The following ARHGAP15 variants were observed in gnomAD, a reference collection of about 807,000 sequenced individuals.
ARHGAP15 encodes Rho GTPase activating protein 15, also known as rho GTPase-activating protein 15.
ARHGAP15 carries 51 observed loss-of-function variants against 63.7 expected under a neutral mutation model. The ratio of observed to expected loss-of-function variants is 0.80; its 90% confidence interval spans 0.64 to 1.01. The LOEUF is 1.01. ARHGAP15 is among the 50% of genes least tolerant of loss of function. The probability of loss-of-function intolerance (pLI) is 0.00; values close to 1 mark genes in which losing one functional copy is unlikely to be tolerated. For synonymous variants in ARHGAP15, 191 were observed against 193.8 expected (o/e 0.99, Z 0.12); for missense variants, 560 against 564.6 (o/e 0.99, Z 0.08).
intron 6 of ARHGAP15, among the ~76,000 whole-genome samples, chr2:143,322,670 A>G (rs1156491066): frequency 6.6e-6 from 1 of 152,238 alleles, no homozygotes; most frequent in Non-Finnish European, 1.5e-5. Flanking sequence ...AAAAGTCAGC[A>G]TTACCGTGGA....
At chr2:143,156,784 T>C (rs1481843032) in intron 2 of ARHGAP15, among the ~76,000 whole-genome samples, 2 of 151,906 alleles carry the variant, frequency 1.3e-5, no homozygotes, top group Non-Finnish European at 2.9e-5. Flanking sequence ...ACTAATGAGA[T>C]ATGCATTTTT....
chr2:143,434,241 C>T (rs1689511055), intron 6 of ARHGAP15, among the ~76,000 whole-genome samples: 1 of 152,074 alleles, frequency 6.6e-6, no homozygotes, highest in African/African-American at 2.4e-5. Flanking sequence ...ATTGTATACA[C>T]TTTAGACAGT....
At chr2:143,199,364 CAGTT>C (rs1040858447) in intron 2 of ARHGAP15, among the ~76,000 whole-genome samples, 4 of 152,138 alleles carry the variant, frequency 2.6e-5, no homozygotes, top group East Asian at 1.9e-4. Flanking sequence ...ACTTATGTAA[CAGTT>C]AGATGGAAGT....
At chr2:143,324,363 C>T (rs1218047834) in intron 6 of ARHGAP15, among the ~76,000 whole-genome samples, 2 of 152,088 alleles carry the variant, frequency 1.3e-5, no homozygotes, top group Non-Finnish European at 2.9e-5. Context: ...TTGGTGTTTG[C>T]GTTCTTAATT....
At chr2:143,492,120 G>T (rs1315111363) in intron 9 of ARHGAP15, among the ~76,000 whole-genome samples, 2 of 152,118 alleles carry the variant, frequency 1.3e-5, no homozygotes, top group African/African-American at 4.8e-5. Flanking sequence ...GAGCTAAGGC[G>T]ATCTGCCCGC....
At chr2:143,425,515 A>T (rs1689106082) in intron 6 of ARHGAP15, among the ~76,000 whole-genome samples, 1 of 152,034 alleles carries the variant, frequency 6.6e-6, no homozygotes, top group African/African-American at 2.4e-5. Context: ...TTACATGTAC[A>T]TATGTACTAT....
intron 6 of ARHGAP15, among the ~76,000 whole-genome samples, chr2:143,304,524 A>G (rs976129032): frequency 1.2e-4 from 18 of 152,132 alleles, no homozygotes; most frequent in African/African-American, 4.3e-4. Context: ...TAATGGGTGC[A>G]GCACACCAAC....
intron 12 of ARHGAP15, among the ~76,000 whole-genome samples, chr2:143,667,391 AG>A (rs1371791317): frequency 8.3e-5 from 10 of 120,852 alleles, no homozygotes; most frequent in African/African-American, 3.2e-4. Context: ...GGACACAGGA[AG>A]GGGAATATCA....
chr2:143,729,646 AAAAC>A (rs1359700713), intron 13 of ARHGAP15, among the ~76,000 whole-genome samples: 2 of 152,216 alleles, frequency 1.3e-5, no homozygotes, highest in East Asian at 1.9e-4. Context: ...AGATCTGTGA[AAAAC>A]AAATTTTCAC....
intron 13 of ARHGAP15, among the ~76,000 whole-genome samples, chr2:143,740,039 G>A (rs372144941): frequency 2.0e-5 from 3 of 151,640 alleles, no homozygotes; most frequent in African/African-American, 7.3e-5. Context: ...AGAGAATTTG[G>A]TTCTCTTTTT....
intron 3 of ARHGAP15, among the ~76,000 whole-genome samples, chr2:143,212,251 A>G (rs1356954989): frequency 2.0e-5 from 3 of 152,288 alleles, no homozygotes; most frequent in East Asian, 3.9e-4. Flanking sequence ...GTCGCCTCCA[A>G]CGTAGGTTGA....
intron 10 of ARHGAP15, among the ~76,000 whole-genome samples, chr2:143,525,653 A>G (rs1342302061): frequency 6.6e-6 from 1 of 152,102 alleles, no homozygotes; most frequent in African/African-American, 2.4e-5. Context: ...TGCAGCCACA[A>G]AGACTGCCAC....
At chr2:143,555,511 CTAAG>C (rs918147440) in intron 10 of ARHGAP15, among the ~76,000 whole-genome samples, 3 of 152,066 alleles carry the variant, frequency 2.0e-5, no homozygotes, top group African/African-American at 7.2e-5. Context: ...TAGTGTTTGA[CTAAG>C]TGTTTCCCTT....
At chr2:143,481,414 A>T (rs148565568) in intron 8 of ARHGAP15, among the ~76,000 whole-genome samples, 2 of 152,288 alleles carry the variant, frequency 1.3e-5, no homozygotes, top group African/African-American at 4.8e-5. Context: ...TTCAAAAAAA[A>T]AATAATAACA....
intron 6 of ARHGAP15, among the ~76,000 whole-genome samples, chr2:143,326,108 T>A (rs1035797888): frequency 1.3e-5 from 2 of 152,158 alleles, no homozygotes; most frequent in Non-Finnish European, 2.9e-5. Flanking sequence ...GTTTATTATA[T>A]CAAATACAAT....
chr2:143,719,228 TCTTTA>T (rs1436161557), intron 13 of ARHGAP15, among the ~76,000 whole-genome samples: 2 of 152,354 alleles, frequency 1.3e-5, no homozygotes, highest in Non-Finnish European at 2.9e-5. Context: ...TACATTCATT[TCTTTA>T]CTTCATTTAT....
At chr2:143,548,150 C>T (rs1695408975) in intron 10 of ARHGAP15, among the ~76,000 whole-genome samples, 1 of 152,020 alleles carries the variant, frequency 6.6e-6, no homozygotes, top group Admixed American at 6.6e-5. Context: ...CAAATAGGAC[C>T]AATATTAATG....
At chr2:143,394,847 A>G (rs1687690604) in intron 6 of ARHGAP15, among the ~76,000 whole-genome samples, 1 of 152,170 alleles carries the variant, frequency 6.6e-6, no homozygotes, top group Non-Finnish European at 1.5e-5. Flanking sequence ...CAGTTTATTG[A>G]TCAGCTGATT....
intron 8 of ARHGAP15, among the ~76,000 whole-genome samples, chr2:143,484,430 G>T (rs1159450806): frequency 1.3e-5 from 2 of 152,106 alleles, no homozygotes; most frequent in Non-Finnish European, 2.9e-5. Context: ...TACTCGGGAG[G>T]CTGAGGCACG....
Sources: allele counts gnomAD v4.1 joint callset (sites outside exome capture counted in the v4.1 genomes callset), GRCh38; gene constraint gnomAD v4.1.1; transcripts MANE v1.5; gene names NCBI Gene and HGNC (gene_info 2026-07-23, HGNC 2026-07-21).